FAM185A: variants seen among roughly 807,000 people sequenced by gnomAD.
FAM185A encodes protein FAM185A.
FAM185A carries 21 observed loss-of-function variants against 45.7 expected under a neutral mutation model. That is an observed-to-expected ratio of 0.46 (90% CI 0.33 to 0.66). The LOEUF is 0.66. Ranked by LOEUF, FAM185A falls within the 30% of genes least tolerant of loss-of-function variation. FAM185A has a pLI of 0.03. For missense variants in FAM185A, 305 were observed against 485.4 expected, an observed-to-expected ratio of 0.63 and a Z score of 3.49; for synonymous variants, 117 against 194.0, an observed-to-expected ratio of 0.60 and a Z score of 3.30.
intron 7 of FAM185A, among the ~76,000 whole-genome samples, chr7:102,806,881 C>T (rs1797146674): frequency 6.6e-6 from 1 of 152,060 alleles, no homozygotes; most frequent in African/African-American, 2.4e-5. Flanking sequence ...CTGAGCTGAG[C>T]TTCTGGGGAG....
At chr7:102,774,432 T>G (rs1794935391) in intron 5 of FAM185A, among the ~76,000 whole-genome samples, 1 of 151,854 alleles carries the variant, frequency 6.6e-6, no homozygotes, top group Non-Finnish European at 1.5e-5. Flanking sequence ...TTTTCTTGCC[T>G]TATCAGACTA....
At chr7:102,785,272 T>G (rs1179377441) in intron 6 of FAM185A, among the ~76,000 whole-genome samples, 2 of 151,272 alleles carry the variant, frequency 1.3e-5, no homozygotes, top group East Asian at 1.9e-4. Flanking sequence ...ATTTATAGAT[T>G]CAATGCCATC....
intron 6 of FAM185A, among the ~76,000 whole-genome samples, chr7:102,780,877 G>A (rs549296782): frequency 7.2e-5 from 11 of 152,342 alleles, no homozygotes; most frequent in Non-Finnish European, 1.3e-4. Flanking sequence ...CCTCACCCGG[G>A]AAGCGCAAGG....
the FAM185A span, chr7:102,834,580 G>C: frequency 6.6e-6 from 1 of 151,458 alleles, no homozygotes; most frequent in African/African-American, 2.4e-5. Flanking sequence ...TTGGCACATA[G>C]TAAGCACCCC....
chr7:102,816,475 C>T, the FAM185A span, among the ~76,000 whole-genome samples: 16 of 152,196 alleles, frequency 1.1e-4, 1 homozygote, highest in Admixed American at 7.9e-4. Flanking sequence ...GTCCTCACCA[C>T]CTTTGGCATC....
intron 2 of FAM185A, among the ~76,000 whole-genome samples, chr7:102,752,514 C>A (rs1231050267): frequency 2.6e-5 from 4 of 152,040 alleles, no homozygotes; most frequent in Non-Finnish European, 5.9e-5. Context: ...TCGTGATCCG[C>A]CTGCCTTGGC....
At chr7:102,837,794 T>C in the FAM185A span, among the ~76,000 whole-genome samples, 2 of 152,224 alleles carry the variant, frequency 1.3e-5, no homozygotes. Context: ...CCTTCCTCCT[T>C]GGCTTCCCAA....
intron 7 of FAM185A, among the ~76,000 whole-genome samples, chr7:102,788,681 T>G (rs147928075): frequency 0.018 from 2,803 of 152,288 alleles, 82 homozygotes; most frequent in African/African-American, 0.064. Context: ...CAGAGATACA[T>G]TCTGAGAAAT....
At chr7:102,784,947 C>A (rs1795681082) in intron 6 of FAM185A, among the ~76,000 whole-genome samples, 1 of 152,082 alleles carries the variant, frequency 6.6e-6, no homozygotes, top group African/African-American at 2.4e-5. Context: ...TCGTCTCAGC[C>A]CAAAATCTCC....
intron 2 of FAM185A, among the ~76,000 whole-genome samples, chr7:102,754,151 CTCTT>C (rs1299924386): frequency 2.0e-5 from 3 of 152,126 alleles, no homozygotes; most frequent in Admixed American, 6.5e-5. Flanking sequence ...TGATATGTGT[CTCTT>C]TCATTAACTT....
In FAM185A at chr7:102,786,572, G is replaced by A. The variant is rs562116631; in HGVS notation, c.932-763G>A. The stretch of plus-strand genomic sequence containing the variant: ...AAACCATCATTCTCAGCAAACTATC[G>A]CAAGGACAAAAAACCAAACACCACA... On this transcript the variant is annotated intron_variant, in intron 6 of 7. Coordinates refer to ENST00000413034, the MANE Select transcript of FAM185A (RefSeq NM_001145268.2). Among the ~76,000 whole-genome samples the A allele has an allele frequency of 5.0e-3, 759 of 152,210 alleles. 7 individuals carry two copies. Among genetic ancestry groups the A allele is most frequent in the African/African-American group, 0.017 (709 of 41,536 alleles).
chr7:102,787,357 A>C lies in FAM185A; in HGVS notation c.954A>C (p.Pro318=). 1 of 1,486,138 alleles carries C rather than the reference A, an allele frequency of 6.7e-7. No homozygotes were observed. Among genetic ancestry groups the C allele is most frequent in the Non-Finnish European group, 9.0e-7 (1 of 1,108,438 alleles). The allele number at this position is 1,486,138 out of a possible 1,614,324, so 92.1% of individuals were successfully genotyped here. A position where few individuals can be genotyped will look rare whatever the true frequency, so the allele number is the denominator to read the frequency against. ...SHKGSIIVKV[P]SSLQAHLQLS... ...CAGGTTCTATTATTGTCAAGGTCCC[A>C]TCTTCACTTCAAGCTCATTTACAGT... Residue 318 remains proline (P), a synonymous_variant, in exon 7 of 8, where the codon CCA becomes CCC. Coordinates refer to ENST00000413034, the MANE Select transcript of FAM185A (RefSeq NM_001145268.2).
intron 4 of FAM185A, among the ~76,000 whole-genome samples, chr7:102,771,931 T>C (rs1185006894): frequency 6.6e-6 from 1 of 151,846 alleles, no homozygotes; most frequent in Admixed American, 6.6e-5. Flanking sequence ...CAAACCACTT[T>C]AATTCTTGGC....
At chr7:102,793,441 C>T (rs1796258033) in intron 7 of FAM185A, among the ~76,000 whole-genome samples, 1 of 152,040 alleles carries the variant, frequency 6.6e-6, no homozygotes. Context: ...CACCTCCTGA[C>T]CTCGTGATCC....
chr7:102,822,582 G>C, the FAM185A span: 1 of 385,982 alleles, frequency 2.6e-6, no homozygotes. Flanking sequence ...TGTCACAGTG[G>C]GAGTTAGGGT....
the FAM185A span, among the ~76,000 whole-genome samples, chr7:102,835,299 G>C: frequency 1.8e-4 from 28 of 152,312 alleles, no homozygotes; most frequent in African/African-American, 6.5e-4. Flanking sequence ...CTTGGGACCT[G>C]TCACTGGAGA....
chr7:102,751,457 T>C (rs1299401872), intron 1 of FAM185A, among the ~76,000 whole-genome samples: 1 of 151,914 alleles, frequency 6.6e-6, no homozygotes, highest in Non-Finnish European at 1.5e-5. Context: ...TCTATGTTAG[T>C]TCTCTTTAGG....
intron 6 of FAM185A, among the ~76,000 whole-genome samples, chr7:102,780,117 C>T (rs1389242375): frequency 1.3e-5 from 2 of 151,964 alleles, no homozygotes; most frequent in African/African-American, 2.4e-5. Flanking sequence ...CTTCTAGCTC[C>T]AGTTAGGAAG....
At chr7:102,754,107 A>G (rs1208896379) in intron 2 of FAM185A, among the ~76,000 whole-genome samples, 1 of 152,256 alleles carries the variant, frequency 6.6e-6, no homozygotes, top group East Asian at 1.9e-4. Context: ...GTATCGTACA[A>G]TAATATCATT....
Sources: allele counts gnomAD v4.1 joint callset (sites outside exome capture counted in the v4.1 genomes callset), GRCh38; gene constraint gnomAD v4.1.1; transcripts MANE v1.5; gene names NCBI Gene and HGNC (gene_info 2026-07-23, HGNC 2026-07-21).